GPM6A: variants seen among roughly 807,000 people sequenced by gnomAD.
The protein encoded by GPM6A is neuronal membrane glycoprotein M6-a.
A neutral mutation model predicts 32.1 loss-of-function variants in GPM6A; 7 were observed. That is an observed-to-expected ratio of 0.22 (90% CI 0.12 to 0.41). GPM6A has a LOEUF of 0.41. Among genes scored for constraint, GPM6A ranks in the 10% least tolerant of loss-of-function variants. The probability of loss-of-function intolerance (pLI) is 1.00; values close to 1 mark genes in which losing one functional copy is unlikely to be tolerated. For missense variants in GPM6A, 235 were observed against 347.2 expected (o/e 0.68, Z 2.57); for synonymous variants, 130 against 123.4 (o/e 1.05, Z -0.35).
chr4:175,986,543 C>T (rs746028431), intron 1 of GPM6A, among the ~76,000 whole-genome samples: 2 of 152,146 alleles, frequency 1.3e-5, no homozygotes, highest in African/African-American at 2.4e-5. Flanking sequence ...CAGAGTGAGA[C>T]TCCACCTCTA....
intron 1 of GPM6A, among the ~76,000 whole-genome samples, chr4:175,944,391 G>A (rs945151799): frequency 6.6e-6 from 1 of 152,160 alleles, no homozygotes; most frequent in African/African-American, 2.4e-5. Flanking sequence ...GAAACAGCCC[G>A]AGTAAGTCAG....
chr4:175,850,299 G>A (rs1736212848), intron 1 of GPM6A, among the ~76,000 whole-genome samples: 2 of 152,238 alleles, frequency 1.3e-5, no homozygotes, highest in African/African-American at 4.8e-5. Flanking sequence ...AGAAATTAGT[G>A]TGACAAGGGA....
chr4:175,824,435 T>C (rs1250006697), intron 1 of GPM6A, among the ~76,000 whole-genome samples: 1 of 152,222 alleles, frequency 6.6e-6, no homozygotes, highest in East Asian at 1.9e-4. Flanking sequence ...CGGCATTTAC[T>C]ATTGCAAATA....
chr4:175,763,573 A>G (rs949751217), intron 1 of GPM6A, among the ~76,000 whole-genome samples: 42 of 152,266 alleles, frequency 2.8e-4, no homozygotes, highest in African/African-American at 1.0e-3. Flanking sequence ...GTCCTCATTA[A>G]ATGCAGTTTA....
chr4:175,959,915 C>T (rs1241892295), intron 1 of GPM6A, among the ~76,000 whole-genome samples: 1 of 152,146 alleles, frequency 6.6e-6, no homozygotes, highest in Non-Finnish European at 1.5e-5. Context: ...TACTGTCTGA[C>T]ATTGTTCTAA....
chr4:175,798,593 A>G (rs1161344252), intron 1 of GPM6A: 1 of 152,110 alleles, frequency 6.6e-6, no homozygotes, highest in Non-Finnish European at 1.5e-5. Flanking sequence ...TCAAAAATAC[A>G]CATACAAACT....
intron 1 of GPM6A, among the ~76,000 whole-genome samples, chr4:175,950,324 T>C (rs565797083): frequency 6.6e-6 from 1 of 152,332 alleles, no homozygotes; most frequent in South Asian, 2.1e-4. Flanking sequence ...TACATTATTT[T>C]AATGGCTTTA....
chr4:175,942,419 G>C (rs1311373466), intron 1 of GPM6A, among the ~76,000 whole-genome samples: 1 of 152,132 alleles, frequency 6.6e-6, no homozygotes, highest in African/African-American at 2.4e-5. Context: ...TGTTGCCATT[G>C]CTTTTGGTGT....
chr4:175,702,770 C>A (rs1403066917), intron 1 of GPM6A, among the ~76,000 whole-genome samples: 1 of 152,062 alleles, frequency 6.6e-6, no homozygotes, highest in Non-Finnish European at 1.5e-5. Flanking sequence ...TGAACTTTGA[C>A]CAGCAAATAT....
intron 1 of GPM6A, among the ~76,000 whole-genome samples, chr4:175,876,232 A>C (rs1737080771): frequency 6.6e-6 from 1 of 152,132 alleles, no homozygotes; most frequent in Non-Finnish European, 1.5e-5. Context: ...TGACAATCCC[A>C]TGAGTTTCAG....
At chr4:175,692,619 T>A (rs1744360133) in intron 2 of GPM6A, among the ~76,000 whole-genome samples, 1 of 152,096 alleles carries the variant, frequency 6.6e-6, no homozygotes, top group South Asian at 2.1e-4. Flanking sequence ...TTTTCTCAGT[T>A]TTTTTAAATA....
intron 1 of GPM6A, among the ~76,000 whole-genome samples, chr4:175,716,821 T>A (rs2111105491): frequency 6.6e-6 from 1 of 152,298 alleles, no homozygotes; most frequent in Non-Finnish European, 1.5e-5. Flanking sequence ...TGATCACAAG[T>A]TATTTACTAG....
At chr4:175,900,367 A>AGAAAG (rs1489884948) in intron 1 of GPM6A, among the ~76,000 whole-genome samples, 3 of 115,430 alleles carry the variant, frequency 2.6e-5, no homozygotes, top group Non-Finnish European at 4.0e-5. Context: ...GGAAAGGAAA[A>AGAAAG]GAAAGGAAAG....
intron 1 of GPM6A, among the ~76,000 whole-genome samples, chr4:175,995,507 T>G (rs1352563587): frequency 6.6e-6 from 1 of 152,062 alleles, no homozygotes; most frequent in African/African-American, 2.4e-5. Context: ...AATGAGTGGC[T>G]AAGTCAGCTT....
rs139857327 is a variant in GPM6A at position 175,766,374 on chromosome 4, C to T, written c.37+45817G>A. ...TCTAATCATGTTAGGAAAACATTCG[C>T]TCAGTAAAATAAGCCTTTATCTGGA... On this transcript the variant is annotated intron_variant, in intron 1 of 6. Transcript: ENST00000393658. Among the ~76,000 whole-genome samples the T allele has an allele frequency of 2.9e-3, 441 of 152,212 alleles. 1 individual carries two copies. The highest frequency in any genetic ancestry group is 6.8e-3 in the Middle Eastern group (2 of 294).
At chr4:175,711,438 A>C (rs1314232499) in intron 1 of GPM6A, among the ~76,000 whole-genome samples, 1 of 92,808 alleles carries the variant, frequency 1.1e-5, no homozygotes, top group Non-Finnish European at 2.3e-5. Context: ...ATATATATAT[A>C]TATATATATA....
intron 1 of GPM6A, among the ~76,000 whole-genome samples, chr4:175,845,992 C>G (rs2111393528): frequency 6.6e-6 from 1 of 152,122 alleles, no homozygotes; most frequent in East Asian, 1.9e-4. Flanking sequence ...CATGTGTTTT[C>G]ACTCACTGCC....
chr4:175,875,380 AC>A (rs1200910268), intron 1 of GPM6A, among the ~76,000 whole-genome samples: 1 of 152,192 alleles, frequency 6.6e-6, no homozygotes, highest in Non-Finnish European at 1.5e-5. Context: ...CAATTTACAC[AC>A]AAGCGTAACA....
chr4:175,793,593 C>T lies in GPM6A; in HGVS notation c.37+18598G>A, dbSNP rs181992238. ...GTTTCGCTATGTTGGCCAGGCTGGTCTCAAACTCCTGACCTCAGTTGATTC... is the reference window on the plus strand; with the variant it reads ...GTTTCGCTATGTTGGCCAGGCTGGTTTCAAACTCCTGACCTCAGTTGATTC... On this transcript the variant is annotated intron_variant, in intron 1 of 6. Coordinates refer to ENST00000393658, the MANE Select transcript of GPM6A (RefSeq NM_201591.3). Among the ~76,000 whole-genome samples, 1,513 of 152,252 alleles carry T rather than the reference C, an allele frequency of 9.9e-3. 14 individuals carry two copies. The highest frequency in any genetic ancestry group is 0.016 in the Non-Finnish European group (1,119 of 68,010).
Sources: gnomAD v4.1 joint callset for allele counts (sites outside exome capture counted in the v4.1 genomes callset) on GRCh38, gnomAD v4.1.1 for gene constraint, MANE v1.5 for transcripts, NCBI Gene and HGNC (gene_info 2026-07-23, HGNC 2026-07-21) for gene names.